The following FARSB variants were observed in gnomAD, a reference collection of about 807,000 sequenced individuals.
FARSB encodes the protein phenylalanine--tRNA ligase beta subunit.
Under a neutral mutation model 69.6 loss-of-function variants are expected in FARSB, and 40 were observed. That is an observed-to-expected ratio of 0.57 (90% CI 0.45 to 0.75). The LOEUF (loss-of-function observed/expected upper bound fraction) is 0.75, where lower values mean the gene tolerates loss of function less well. FARSB is among the 30% of genes least tolerant of loss of function. The pLI is 0.00. For synonymous variants in FARSB, 235 were observed against 247.2 expected (o/e 0.95, Z 0.46); for missense variants, 632 against 722.9 (o/e 0.87, Z 1.44).
At chr2:222,588,455 C>A (rs935711812) in intron 16 of FARSB, among the ~76,000 whole-genome samples, 1 of 152,150 alleles carries the variant, frequency 6.6e-6, no homozygotes, top group Non-Finnish European at 1.5e-5. Flanking sequence ...TGGCACAAGA[C>A]AGGGATGCCC....
chr2:222,599,950 T>TCC lies in FARSB; in HGVS notation c.1594_1595dup (p.Tyr533AspfsTer3), dbSNP rs1559197103. ...TACCTTCTGATGCTTTGATCACATA[T>TCC]CCCCCCTTGTCTTCACCAGGAGGCA... On this transcript the variant is annotated frameshift_variant, in exon 16 of 17. Coordinates refer to ENST00000281828, the MANE Select transcript of FARSB (RefSeq NM_005687.5). LOFTEE classifies it high-confidence loss of function. 6.2e-7 allele frequency: 1 copy of TCC among 1,601,248 alleles called. No individual in the cohort carries two copies. Among genetic ancestry groups the TCC allele is most frequent in the Admixed American group, 1.8e-5 (1 of 55,452 alleles).
intron 2 of FARSB, 22 bp from the exon 3 acceptor site, chr2:222,643,027 T>C (rs373836143): frequency 6.9e-7 from 1 of 1,455,878 alleles, no homozygotes; most frequent in Non-Finnish European, 9.4e-7. Context: ...CAAAAAGTAA[T>C]GATAAAAATT....
intron 1 of FARSB, among the ~76,000 whole-genome samples, chr2:222,655,397 T>C (rs1367772996): frequency 1.7e-4 from 26 of 152,182 alleles, no homozygotes; most frequent in Admixed American, 1.7e-3. Context: ...TCTAAAGTTG[T>C]TCTTGGCACA....
chr2:222,643,540 G>C (rs1486287040), intron 2 of FARSB, among the ~76,000 whole-genome samples: 1 of 151,528 alleles, frequency 6.6e-6, no homozygotes, highest in Non-Finnish European at 1.5e-5. Context: ...AGTGTCAAAG[G>C]GGTAAAAGAA....
At position 222,613,860 on chromosome 2, in the gene FARSB, T is replaced by C. The variant is rs761446838; in HGVS notation, c.1413A>G (p.Pro471=). The change falls in exon 15 of 17, where the codon CCA becomes CCG. Residue 471 remains proline, a synonymous_variant. Transcript: ENST00000281828. ...TGTCAGAGATTTCAAACAGTTTCAG[T>C]GGAAGGGGCATCTTACGATTTGCTG... ...TIAANRKMPL[P]LKLFEISDIV... 1 of 1,613,338 alleles carries C rather than the reference T, an allele frequency of 6.2e-7. No homozygotes were observed. The highest frequency in any genetic ancestry group is 8.5e-7 in the Non-Finnish European group (1 of 1,179,312).
intron 4 of FARSB, 79 bp downstream of exon 4, chr2:222,640,783 T>C: frequency 1.4e-6 from 1 of 731,500 alleles, no homozygotes; most frequent in East Asian, 2.8e-5. Flanking sequence ...GTAAGCTTTG[T>C]TTCTCTTTCC....
chr2:222,611,461 G>T (rs961881036), intron 15 of FARSB, among the ~76,000 whole-genome samples: 1 of 150,968 alleles, frequency 6.6e-6, no homozygotes, highest in Non-Finnish European at 1.5e-5. Flanking sequence ...GGGGGCGCGT[G>T]GGGGAGACAG....
rs1689650829 is a variant in FARSB at position 222,567,311 on chromosome 2, C to T, written c.*4560G>A. On this transcript the variant is annotated 3_prime_UTR_variant, in exon 17 of 17. Transcript: ENST00000281828. ...GCCAGAACTTGGATATCAGATGGGT[C>T]AAAGGCTTTCAATGCTTAGGAGGCA... The T allele has an allele frequency of 6.6e-6, 1 of 152,180 alleles. No homozygotes were observed. Among genetic ancestry groups the T allele is most frequent in the Non-Finnish European group, 1.5e-5 (1 of 68,024 alleles). 9.4% of individuals were successfully genotyped at this position (152,180 alleles called of 1,614,324 possible).
intron 15 of FARSB, among the ~76,000 whole-genome samples, chr2:222,601,200 G>A (rs561338261): frequency 3.9e-5 from 6 of 152,258 alleles, no homozygotes; most frequent in South Asian, 4.1e-4. Context: ...CCACAACAAC[G>A]TGCACATAGT....
At chr2:222,590,637 T>C (rs1690245146) in intron 16 of FARSB, among the ~76,000 whole-genome samples, 2 of 152,074 alleles carry the variant, frequency 1.3e-5, no homozygotes, top group African/African-American at 4.8e-5. Flanking sequence ...TTGTTAATTT[T>C]GTGTGATGAT....
At chr2:222,638,781 C>A (rs974690550) in intron 5 of FARSB, among the ~76,000 whole-genome samples, 5 of 152,142 alleles carry the variant, frequency 3.3e-5, no homozygotes, top group African/African-American at 9.7e-5. Context: ...AATAAAAATT[C>A]TTTTTCTATT....
rs1691423764 is a variant in FARSB at position 222,631,522 on chromosome 2, A to G, written c.786+82T>C. ...CCCACCTACAAAATGCACATATTTT[A>G]AATTTTAGCCACTTAGTCTTGGTCC... On this transcript the variant is annotated intron_variant, in intron 8 of 16. Coordinates refer to ENST00000281828, the MANE Select transcript of FARSB (RefSeq NM_005687.5). The G allele has an allele frequency of 6.4e-6, 5 of 781,806 alleles. No homozygotes were observed. In the Admixed American group the frequency reaches 1.1e-4, roughly 17 times the overall value. 48.4% of individuals were successfully genotyped at this position (781,806 alleles called of 1,614,324 possible). A position where few individuals can be genotyped will look rare whatever the true frequency, so the allele number is the denominator to read the frequency against.
chr2:222,645,772 G>T (rs1691836807), intron 2 of FARSB, among the ~76,000 whole-genome samples: 1 of 151,938 alleles, frequency 6.6e-6, no homozygotes, highest in African/African-American at 2.4e-5. Flanking sequence ...TTATTATAAA[G>T]TAGGTCCCAT....
intron 10 of FARSB, 79 bp from the exon 11 acceptor site, chr2:222,624,854 C>T: frequency 1.2e-6 from 1 of 824,310 alleles, no homozygotes; most frequent in South Asian, 1.7e-5. Flanking sequence ...GTCATTATTG[C>T]AGTTCTATTA....
intron 15 of FARSB, among the ~76,000 whole-genome samples, chr2:222,607,938 A>C (rs1690749716): frequency 6.6e-6 from 1 of 152,098 alleles, no homozygotes; most frequent in Non-Finnish European, 1.5e-5. Context: ...AGTTAATGTA[A>C]ACCTGGAATG....
At chr2:222,592,550 C>G (rs1690301635) in intron 16 of FARSB, among the ~76,000 whole-genome samples, 1 of 151,792 alleles carries the variant, frequency 6.6e-6, no homozygotes, top group Non-Finnish European at 1.5e-5. Context: ...CAGAATCATC[C>G]TAAAAATCCT....
At chr2:222,587,132 A>C (rs1235068357) in intron 16 of FARSB, among the ~76,000 whole-genome samples, 1 of 152,250 alleles carries the variant, frequency 6.6e-6, no homozygotes, top group African/African-American at 2.4e-5. Context: ...GCAAATGTAA[A>C]AGAACAGAAA....
chr2:222,596,630 A>G (rs536142667), intron 16 of FARSB, among the ~76,000 whole-genome samples: 64 of 152,292 alleles, frequency 4.2e-4, no homozygotes, highest in African/African-American at 1.5e-3. Context: ...ACTTTTTAAT[A>G]CTCTGAAGAC....
At chr2:222,572,892 T>TA (rs1689750188) in intron 16 of FARSB, among the ~76,000 whole-genome samples, 1 of 152,212 alleles carries the variant, frequency 6.6e-6, no homozygotes, top group Non-Finnish European at 1.5e-5. Flanking sequence ...AGTTTACAAA[T>TA]ATGCTGACTC....
Sources: allele counts gnomAD v4.1 joint callset (sites outside exome capture counted in the v4.1 genomes callset), GRCh38; gene constraint gnomAD v4.1.1; transcripts MANE v1.5; gene names NCBI Gene and HGNC (gene_info 2026-07-23, HGNC 2026-07-21).